CPA6: variants seen among roughly 807,000 people sequenced by gnomAD.
CPA6 encodes the protein carboxypeptidase B.
Under a neutral mutation model 63.3 loss-of-function variants are expected in CPA6, and 58 were observed. The ratio of observed to expected loss-of-function variants is 0.92; its 90% CI spans 0.74 to 1.14. CPA6 has a LOEUF of 1.14. Ranked by LOEUF, CPA6 falls within the 50% of genes most tolerant of loss-of-function variation. The probability of loss-of-function intolerance (pLI) is 0.00; values close to 1 mark genes in which losing one functional copy is unlikely to be tolerated. For missense variants in CPA6, 565 were observed against 526.6 expected, an observed-to-expected ratio of 1.07 and a Z score of -0.71; for synonymous variants, 185 against 179.0, an observed-to-expected ratio of 1.03 and a Z score of -0.27.
intron 2 of CPA6, among the ~76,000 whole-genome samples, chr8:67,527,827 A>G (rs935385469): frequency 6.6e-6 from 1 of 152,216 alleles, no homozygotes; most frequent in African/African-American, 2.4e-5. Flanking sequence ...AAATCAGTAC[A>G]TTGTTTTTTC....
rs76579718 is a variant in CPA6, at chr8:67,621,455, G to A, written c.192+2721C>T. On this transcript the variant is annotated intron_variant, in intron 2 of 10. Transcript: ENST00000297770. Reference sequence around the variant, plus strand: ...TTGGCTTCAATCCTCTCCATTGTGAGGAAAATCAGAATAAACTGACTAGAG... The same window carrying A: ...TTGGCTTCAATCCTCTCCATTGTGAAGAAAATCAGAATAAACTGACTAGAG... 1.7e-3 allele frequency among the ~76,000 whole-genome samples: 257 copies of A among 152,266 alleles called. 1 individual carries two copies. Among genetic ancestry groups the A allele is most frequent in the Middle Eastern group, 6.8e-3 (2 of 294 alleles).
intron 2 of CPA6, among the ~76,000 whole-genome samples, chr8:67,536,725 A>G (rs962632303): frequency 6.6e-6 from 1 of 152,152 alleles, no homozygotes; most frequent in Non-Finnish European, 1.5e-5. Context: ...TAGAACTTCC[A>G]ATACTATGTT....
At chr8:67,593,578 GT>G (rs1334293850) in intron 2 of CPA6, among the ~76,000 whole-genome samples, 1 of 152,168 alleles carries the variant, frequency 6.6e-6, no homozygotes, top group African/African-American at 2.4e-5. Flanking sequence ...CCTGTATTGG[GT>G]GCATATATAT....
At chr8:67,535,307 AT>A (rs1317683545) in intron 2 of CPA6, among the ~76,000 whole-genome samples, 1 of 152,164 alleles carries the variant, frequency 6.6e-6, no homozygotes, top group Non-Finnish European at 1.5e-5. Context: ...GATTGAACTA[AT>A]TTACACTTCC....
intron 8 of CPA6, among the ~76,000 whole-genome samples, chr8:67,455,203 A>G (rs1810643861): frequency 6.6e-6 from 1 of 152,182 alleles, no homozygotes; most frequent in Non-Finnish European, 1.5e-5. Flanking sequence ...GCAATGGGCT[A>G]AAAATCATGA....
intron 2 of CPA6, among the ~76,000 whole-genome samples, chr8:67,592,555 C>G (rs1036056465): frequency 1.3e-5 from 2 of 151,756 alleles, no homozygotes; most frequent in African/African-American, 4.8e-5. Context: ...ATTATTGCCA[C>G]AATTTCAGAT....
intron 1 of CPA6, among the ~76,000 whole-genome samples, chr8:67,668,456 T>C (rs991521748): frequency 6.6e-6 from 1 of 152,242 alleles, no homozygotes; most frequent in Non-Finnish European, 1.5e-5. Flanking sequence ...GTTAAGCAAC[T>C]TTTCCAAGTT....
At chr8:67,629,292 C>T (rs1815264309) in intron 1 of CPA6, among the ~76,000 whole-genome samples, 3 of 151,638 alleles carry the variant, frequency 2.0e-5, no homozygotes, top group Non-Finnish European at 2.9e-5. Flanking sequence ...CATAGTGAGA[C>T]CCTGTCTCCG....
intron 10 of CPA6, among the ~76,000 whole-genome samples, chr8:67,423,562 C>T (rs1252998130): frequency 1.3e-5 from 2 of 152,204 alleles, no homozygotes; most frequent in African/African-American, 4.8e-5. Flanking sequence ...CCTCAACATG[C>T]CTCATTCCTG....
intron 2 of CPA6, among the ~76,000 whole-genome samples, chr8:67,584,231 GA>G (rs1236565263): frequency 1.3e-5 from 2 of 152,142 alleles, no homozygotes; most frequent in African/African-American, 4.8e-5. Context: ...TTTCAATGAT[GA>G]AGTCTTTAGA....
chr8:67,493,765 T>G (rs1811652720), intron 6 of CPA6, among the ~76,000 whole-genome samples: 1 of 151,832 alleles, frequency 6.6e-6, no homozygotes, highest in Admixed American at 6.6e-5. Flanking sequence ...AAGGATGTTT[T>G]ATTGCTTTTC....
intron 8 of CPA6, among the ~76,000 whole-genome samples, chr8:67,460,662 A>T (rs1354158293): frequency 6.6e-6 from 1 of 152,264 alleles, no homozygotes; most frequent in Non-Finnish European, 1.5e-5. Flanking sequence ...ATGAGATGCC[A>T]AAACCTCATT....
intron 2 of CPA6, among the ~76,000 whole-genome samples, chr8:67,571,885 A>C (rs1021278826): frequency 1.3e-5 from 2 of 152,192 alleles, no homozygotes; most frequent in Non-Finnish European, 1.5e-5. Flanking sequence ...AAGATTGATT[A>C]AACTAAGAGT....
chr8:67,715,919 C>A (rs903359271), intron 1 of CPA6, among the ~76,000 whole-genome samples: 1 of 151,932 alleles, frequency 6.6e-6, no homozygotes, highest in East Asian at 1.9e-4. Flanking sequence ...TTTGGGAGGC[C>A]GAGACGGGTG....
At chr8:67,635,304 A>AT (rs922258534) in intron 1 of CPA6, among the ~76,000 whole-genome samples, 1 of 151,524 alleles carries the variant, frequency 6.6e-6, no homozygotes. Context: ...TGCTGCTGGC[A>AT]TTTTTTCTTG....
chr8:67,633,453 G>A (rs1290272699), intron 1 of CPA6, among the ~76,000 whole-genome samples: 1 of 152,142 alleles, frequency 6.6e-6, no homozygotes, highest in Non-Finnish European at 1.5e-5. Flanking sequence ...AGGCCAAGGC[G>A]GGTGGATCAC....
rs1406975430 is a variant in CPA6 at position 67,434,100 on chromosome 8, C to A, written c.979G>T (p.Ala327Ser). The change falls in exon 9 of 11, where the codon GCT becomes TCT. Residue 327 changes from alanine to serine, a missense_variant. Coordinates refer to ENST00000297770, the MANE Select transcript of CPA6 (RefSeq NM_020361.5). ...IRAYLSFHAY[A>S]QMLLYPYSYK... ...GAATAGGGATACAGTAACATCTGAG[C>A]ATATGCATGAAAGGAGAGATAAGCC... 1.2e-6 allele frequency: 2 copies of A among 1,613,850 alleles called. No homozygotes were observed. The highest frequency in any genetic ancestry group is 1.7e-6 in the Non-Finnish European group (2 of 1,179,880).
chr8:67,496,750 G>A (rs1446101734), intron 6 of CPA6, among the ~76,000 whole-genome samples: 2 of 151,506 alleles, frequency 1.3e-5, no homozygotes, highest in African/African-American at 4.9e-5. Flanking sequence ...TAGTAGAAAT[G>A]GGGTTTCACC....
intron 2 of CPA6, among the ~76,000 whole-genome samples, chr8:67,588,351 C>G (rs1408511654): frequency 6.6e-6 from 1 of 152,090 alleles, no homozygotes; most frequent in East Asian, 1.9e-4. Context: ...AATACTACTG[C>G]GGGTAGGCCT....
Sources: allele counts gnomAD v4.1 joint callset (sites outside exome capture counted in the v4.1 genomes callset), GRCh38; gene constraint gnomAD v4.1.1; transcripts MANE v1.5; gene names NCBI Gene and HGNC (gene_info 2026-07-23, HGNC 2026-07-21).